Variants in GRIP1 observed in about 807,000 individuals in gnomAD.
GRIP1 encodes the protein glutamate receptor interacting protein 1, also known as glutamate receptor-interacting protein 1.
In GRIP1, 45 loss-of-function variants were observed where a neutral mutation model predicts 129.9. That is an observed-to-expected ratio of 0.35 (90% CI 0.27 to 0.44). The LOEUF (loss-of-function observed/expected upper bound fraction) is 0.44. GRIP1 is among the 20% of genes least tolerant of loss of function. The pLI is 1.00. For missense variants in GRIP1, 1,196 were observed against 1,396.8 expected (o/e 0.86, Z 2.29); for synonymous variants, 530 against 520.8 (o/e 1.02, Z -0.24).
At chr12:66,971,350 T>C (rs747882899) in intron 1 of GRIP1, among the ~76,000 whole-genome samples, 1 of 152,202 alleles carries the variant, frequency 6.6e-6, no homozygotes, top group Non-Finnish European at 1.5e-5. Flanking sequence ...GTGCCTTACT[T>C]TGTTTTTTTC....
intron 1 of GRIP1, among the ~76,000 whole-genome samples, chr12:66,868,855 G>A (rs1008346841): frequency 6.6e-6 from 1 of 152,014 alleles, no homozygotes; most frequent in Non-Finnish European, 1.5e-5. Flanking sequence ...GGAACTTTAG[G>A]ATAAAACAGC....
intron 2 of GRIP1, chr12:66,568,505 G>A: frequency 5.5e-6 from 1 of 180,634 alleles, no homozygotes. Context: ...CTCTCATCAT[G>A]TGAATCAAGA....
chr12:66,976,918 A>G (rs945944009), intron 1 of GRIP1, among the ~76,000 whole-genome samples: 1 of 152,172 alleles, frequency 6.6e-6, no homozygotes, highest in Non-Finnish European at 1.5e-5. Flanking sequence ...ACTCACATAC[A>G]CACATCCAAG....
chr12:66,609,765 C>G (rs564258331), intron 1 of GRIP1, among the ~76,000 whole-genome samples: 2 of 152,288 alleles, frequency 1.3e-5, no homozygotes, highest in South Asian at 4.1e-4. Flanking sequence ...ATACTCAGGA[C>G]TCTTCCAATT....
intron 4 of GRIP1, among the ~76,000 whole-genome samples, chr12:66,530,830 G>T (rs1309968606): frequency 6.6e-6 from 1 of 151,824 alleles, no homozygotes; most frequent in Admixed American, 6.6e-5. Context: ...GAGAATTTTA[G>T]ATCTTTATTT....
intron 7 of GRIP1, among the ~76,000 whole-genome samples, chr12:66,511,686 A>T (rs187526315): frequency 6.6e-6 from 1 of 152,126 alleles, no homozygotes; most frequent in Non-Finnish European, 1.5e-5. Flanking sequence ...GGCATCACAA[A>T]CTCTCAAAAT....
intron 15 of GRIP1, among the ~76,000 whole-genome samples, chr12:66,419,460 G>A (rs1303394278): frequency 1.3e-5 from 2 of 152,140 alleles, no homozygotes; most frequent in African/African-American, 4.8e-5. Context: ...TAATTGGATT[G>A]TTTGTAACAC....
chr12:66,975,018 C>G (rs1456271799), intron 1 of GRIP1, among the ~76,000 whole-genome samples: 2 of 152,146 alleles, frequency 1.3e-5, no homozygotes, highest in Non-Finnish European at 2.9e-5. Context: ...TTTTTGGAAT[C>G]TGGGGGGTCA....
chr12:66,468,328 T>TC (rs2059343693), intron 7 of GRIP1, among the ~76,000 whole-genome samples: 1 of 152,222 alleles, frequency 6.6e-6, no homozygotes, highest in Non-Finnish European at 1.5e-5. Context: ...AAGCCTAGGT[T>TC]CCTAAAATCT....
At chr12:66,455,980 A>G (rs2058948729) in intron 10 of GRIP1, among the ~76,000 whole-genome samples, 1 of 152,220 alleles carries the variant, frequency 6.6e-6, no homozygotes, top group Non-Finnish European at 1.5e-5. Flanking sequence ...TGAGCCACAT[A>G]TAAAGCATTC....
intron 1 of GRIP1, among the ~76,000 whole-genome samples, chr12:66,838,754 G>A (rs1046833154): frequency 2.0e-5 from 3 of 152,066 alleles, no homozygotes; most frequent in African/African-American, 4.8e-5. Flanking sequence ...GTGGTGACTG[G>A]GCAAGAGAGA....
intron 7 of GRIP1, among the ~76,000 whole-genome samples, chr12:66,485,173 A>G (rs1157721783): frequency 1.3e-5 from 2 of 152,148 alleles, no homozygotes; most frequent in Non-Finnish European, 2.9e-5. Context: ...CAGTTGCTCT[A>G]TATGTTTACC....
intron 1 of GRIP1, among the ~76,000 whole-genome samples, chr12:66,814,814 T>C (rs1318713804): frequency 7.3e-6 from 1 of 137,550 alleles, no homozygotes; most frequent in South Asian, 2.5e-4. Context: ...CTCAGGAAAC[T>C]TTCAATCATG....
At chr12:66,405,823 T>C (rs2057170964) in intron 16 of GRIP1, among the ~76,000 whole-genome samples, 1 of 152,090 alleles carries the variant, frequency 6.6e-6, no homozygotes, top group Admixed American at 6.6e-5. Context: ...TTGGAAGCAA[T>C]ATAGTGATTT....
At chr12:66,934,835 T>C (rs1176340513) in intron 1 of GRIP1, among the ~76,000 whole-genome samples, 1 of 152,174 alleles carries the variant, frequency 6.6e-6, no homozygotes, top group Admixed American at 6.5e-5. Flanking sequence ...ACTGAACAAA[T>C]ATCTGTTGTG....
chr12:67,030,585 C>T (rs1465198268), intron 1 of GRIP1, among the ~76,000 whole-genome samples: 1 of 152,180 alleles, frequency 6.6e-6, no homozygotes, highest in East Asian at 1.9e-4. Context: ...ATTTCCCATA[C>T]TCCCTCAATA....
In GRIP1 at chr12:66,354,941, AT is replaced by A. The variant is rs562459304; in HGVS notation, c.3013-1379del. Among the ~76,000 whole-genome samples, 309 of 152,174 alleles carry A rather than the reference AT, an allele frequency of 2.0e-3. 1 individual carries two copies. Among genetic ancestry groups the A allele is most frequent in the African/African-American group, 7.0e-3 (289 of 41,510 alleles). On this transcript the variant is annotated intron_variant, in intron 23 of 24. Transcript: ENST00000359742. ...GCCATATTAGAGGTGAGGAAATTCA[AT>A]TTCACTGGGGTTATGTACCCGCTCA...
In GRIP1 at chr12:66,348,175, A is replaced by AGTT. The variant is rs1399993738; in HGVS notation, c.*841_*843dup. The AGTT allele has an allele frequency of 6.6e-6, 1 of 152,178 alleles. No homozygotes were observed. The highest frequency in any genetic ancestry group is 1.9e-4 in the East Asian group (1 of 5,198). The allele number at this position is 152,178 out of a possible 1,614,324, so 9.4% of individuals were successfully genotyped here. A position where few individuals can be genotyped will look rare whatever the true frequency, so the allele number is the denominator to read the frequency against. On this transcript the variant is annotated 3_prime_UTR_variant, in exon 25 of 25. Transcript: ENST00000359742. ...TTTTCAAAACATGTCAAGCAGTATGAGTTTGGTTTGCCTATCATTAAGATG... is the reference window on the plus strand; with the variant it reads ...TTTTCAAAACATGTCAAGCAGTATGAGTTGTTTGGTTTGCCTATCATTAAGATG...
intron 1 of GRIP1, among the ~76,000 whole-genome samples, chr12:66,746,226 T>C (rs1175635683): frequency 1.3e-5 from 2 of 152,072 alleles, no homozygotes; most frequent in African/African-American, 4.8e-5. Context: ...GAGAAATCAA[T>C]CTCTATAAGA....
Sources: gnomAD v4.1 joint callset for allele counts (sites outside exome capture counted in the v4.1 genomes callset) on GRCh38, gnomAD v4.1.1 for gene constraint, MANE v1.5 for transcripts, NCBI Gene and HGNC (gene_info 2026-07-23, HGNC 2026-07-21) for gene names.